CDK14: variants seen among roughly 807,000 people sequenced by gnomAD.
CDK14 encodes the protein cyclin dependent kinase 14.
In CDK14, 34 loss-of-function variants were observed where a neutral mutation model predicts 60.7. The observed-to-expected ratio is 0.56, with a 90% CI of 0.43 to 0.75. The LOEUF (loss-of-function observed/expected upper bound fraction) is 0.75, where lower values mean the gene tolerates loss of function less well. Ranked by LOEUF, CDK14 falls within the 30% of genes least tolerant of loss-of-function variation. The pLI, the probability that CDK14 is intolerant of heterozygous loss-of-function variation, is 0.00. For missense variants in CDK14, 482 were observed against 564.1 expected (o/e 0.85, Z 1.47); for synonymous variants, 197 against 203.7 (o/e 0.97, Z 0.28).
chr7:90,811,933 G>T (rs925338371), intron 5 of CDK14, among the ~76,000 whole-genome samples: 3 of 152,196 alleles, frequency 2.0e-5, no homozygotes, highest in African/African-American at 4.8e-5. Flanking sequence ...TCTCACACCA[G>T]TTAGAATTGC....
intron 12 of CDK14, among the ~76,000 whole-genome samples, chr7:91,099,526 A>T (rs1186077859): frequency 1.3e-5 from 2 of 152,266 alleles, no homozygotes; most frequent in South Asian, 4.1e-4. Context: ...ATTCACTAAC[A>T]ATTTACTTTG....
rs201082543 is a variant in CDK14, at chr7:90,705,300, TA to T, written c.124-21259del. On this transcript the variant is annotated intron_variant, in intron 2 of 14. Transcript: ENST00000380050. The stretch of plus-strand genomic sequence containing the variant: ...TAGTGTTTCTTTTTCCTTGTTCTGT[TA>T]AAAAAAAGTGTTTTCCCTTCACAGG... Among the ~76,000 whole-genome samples, 6 of 151,518 alleles carry T rather than the reference TA, an allele frequency of 4.0e-5. No homozygotes were observed. In the East Asian group the frequency reaches 7.8e-4, roughly 20 times the overall value.
chr7:91,151,957 A>C (rs1306752829), intron 14 of CDK14, among the ~76,000 whole-genome samples: 5 of 152,242 alleles, frequency 3.3e-5, no homozygotes, highest in Non-Finnish European at 5.9e-5. Context: ...ATGCAGACTC[A>C]GTTGGAGTTA....
intron 5 of CDK14, among the ~76,000 whole-genome samples, chr7:90,846,739 C>G (rs950949324): frequency 7.9e-5 from 12 of 152,100 alleles, no homozygotes; most frequent in African/African-American, 2.9e-4. Context: ...CCCATCACTT[C>G]CCTCGGTTTT....
At chr7:90,790,455 T>C (rs778390534) in intron 4 of CDK14, 118 bp from the exon 5 acceptor site, 17 of 582,744 alleles carry the variant, frequency 2.9e-5, no homozygotes, top group Non-Finnish European at 5.0e-5. Context: ...TATAATTGAA[T>C]CACTGACATT....
intron 2 of CDK14, among the ~76,000 whole-genome samples, chr7:90,706,593 C>T (rs1453757616): frequency 6.6e-6 from 1 of 152,030 alleles, no homozygotes; most frequent in African/African-American, 2.4e-5. Flanking sequence ...GAGGGAGGAG[C>T]AACAGCAGAG....
chr7:90,987,985 A>G (rs949092201), intron 10 of CDK14, among the ~76,000 whole-genome samples: 1 of 152,176 alleles, frequency 6.6e-6, no homozygotes, highest in Admixed American at 6.6e-5. Flanking sequence ...TGAACTGTAC[A>G]TAGAAAGGTA....
intron 11 of CDK14, among the ~76,000 whole-genome samples, chr7:91,057,924 T>C (rs1192119642): frequency 6.6e-6 from 1 of 152,062 alleles, no homozygotes; most frequent in Non-Finnish European, 1.5e-5. Context: ...TTAAAGTAGT[T>C]TTATCCAATT....
chr7:91,008,028 C>T (rs2115792804), intron 10 of CDK14, among the ~76,000 whole-genome samples: 1 of 148,418 alleles, frequency 6.7e-6, no homozygotes, highest in Admixed American at 6.9e-5. Context: ...AAGACTTCTG[C>T]TTCTTTAGAT....
At chr7:90,806,692 A>G (rs1003341564) in intron 5 of CDK14, among the ~76,000 whole-genome samples, 1 of 152,230 alleles carries the variant, frequency 6.6e-6, no homozygotes, top group Admixed American at 6.5e-5. Context: ...GGGAAGCACA[A>G]GAGGTCAGGG....
At chr7:91,165,085 A>G (rs917530532) in intron 14 of CDK14, among the ~76,000 whole-genome samples, 3 of 152,160 alleles carry the variant, frequency 2.0e-5, no homozygotes, top group Admixed American at 6.5e-5. Context: ...AGCGTTCCCT[A>G]TGCGGCCTGG....
intron 2 of CDK14, among the ~76,000 whole-genome samples, chr7:90,686,644 A>C (rs117520920): frequency 6.6e-6 from 1 of 152,148 alleles, no homozygotes; most frequent in South Asian, 2.1e-4. Context: ...GTACTGGCAA[A>C]TGTTGTCAAC....
At chr7:90,722,065 C>G (rs1802474717) in intron 2 of CDK14, among the ~76,000 whole-genome samples, 1 of 152,072 alleles carries the variant, frequency 6.6e-6, no homozygotes, top group Non-Finnish European at 1.5e-5. Flanking sequence ...ACTCTGGATA[C>G]TTAAATTTAT....
chr7:91,068,246 A>G (rs1313332324), intron 11 of CDK14, among the ~76,000 whole-genome samples: 1 of 152,162 alleles, frequency 6.6e-6, no homozygotes, highest in Non-Finnish European at 1.5e-5. Context: ...ATAAATACAC[A>G]TTTGTTGGTA....
chr7:90,694,320 T>A (rs924901605), intron 2 of CDK14, among the ~76,000 whole-genome samples: 38 of 152,248 alleles, frequency 2.5e-4, no homozygotes, highest in African/African-American at 8.9e-4. Flanking sequence ...ATAAGGATTT[T>A]AAAAAAACAG....
chr7:90,936,514 C>G (rs1165822532), intron 8 of CDK14, among the ~76,000 whole-genome samples: 5 of 152,080 alleles, frequency 3.3e-5, no homozygotes, highest in Non-Finnish European at 5.9e-5. Flanking sequence ...TCTCCTATAG[C>G]TTTTTATCTC....
At chr7:90,751,085 AG>A (rs1460594707) in intron 4 of CDK14, among the ~76,000 whole-genome samples, 1 of 152,156 alleles carries the variant, frequency 6.6e-6, no homozygotes, top group East Asian at 1.9e-4. Context: ...GACAGAGAAA[AG>A]GTAAACAACC....
chr7:90,826,630 G>C (rs912656546), intron 5 of CDK14, among the ~76,000 whole-genome samples: 1 of 152,122 alleles, frequency 6.6e-6, no homozygotes, highest in Non-Finnish European at 1.5e-5. Context: ...TTTTAAAAAG[G>C]CTTAATTTTT....
rs538441694 is a variant in CDK14 at position 90,803,448 on chromosome 7, G to A, written c.544+12796G>A. ...ATATGTTTGGAAGGGACTTAAGAGG[G>A]ACACTTGGTAGGGCTTTGTGTTTGA... On this transcript the variant is annotated intron_variant, in intron 5 of 14. Coordinates refer to ENST00000380050, the MANE Select transcript of CDK14 (RefSeq NM_001287135.2). Among the ~76,000 whole-genome samples, 4 of 152,282 alleles carry A rather than the reference G, an allele frequency of 2.6e-5. No individual in the cohort carries two copies. The South Asian group carries it at 8.3e-4, about 32-fold the overall frequency.
Sources: gnomAD v4.1 joint callset for allele counts (sites outside exome capture counted in the v4.1 genomes callset) on GRCh38, gnomAD v4.1.1 for gene constraint, MANE v1.5 for transcripts, NCBI Gene and HGNC (gene_info 2026-07-23, HGNC 2026-07-21) for gene names.